The following BTG4 variants were observed in gnomAD, a reference collection of about 807,000 sequenced individuals.
BTG4 encodes the protein BTG anti-proliferation factor 4, also known as protein BTG4.
A neutral mutation model predicts 19.3 loss-of-function variants in BTG4; 10 were observed. The ratio of observed to expected loss-of-function variants is 0.52; its 90% CI spans 0.32 to 0.88. The LOEUF (loss-of-function observed/expected upper bound fraction) is 0.88. BTG4 is among the 40% of genes least tolerant of loss of function. The pLI is 0.04. For synonymous variants in BTG4, 91 were observed against 95.7 expected (o/e 0.95, Z 0.29); for missense variants, 238 against 281.9 (o/e 0.84, Z 1.11).
the BTG4 span, among the ~76,000 whole-genome samples, chr11:111,453,114 G>A: frequency 6.6e-6 from 1 of 152,304 alleles, no homozygotes; most frequent in South Asian, 2.1e-4. Context: ...AAATGGGATG[G>A]CCTCCAGGCC....
the BTG4 span, among the ~76,000 whole-genome samples, chr11:111,400,151 G>A: frequency 6.6e-6 from 1 of 152,140 alleles, no homozygotes; most frequent in African/African-American, 2.4e-5. Context: ...GGGCAACCTC[G>A]GAAAAGTCAT....
At chr11:111,403,575 A>G in the BTG4 span, among the ~76,000 whole-genome samples, 1 of 152,182 alleles carries the variant, frequency 6.6e-6, no homozygotes, top group Admixed American at 6.5e-5. Flanking sequence ...CTCTTCCACT[A>G]TGGGGCCTAC....
the BTG4 span, among the ~76,000 whole-genome samples, chr11:111,440,575 G>A: frequency 2.6e-5 from 4 of 152,278 alleles, no homozygotes; most frequent in South Asian, 2.1e-4. Flanking sequence ...ATTTGACCCC[G>A]TTTGGCCTGC....
chr11:111,470,682 C>T (rs969754348), intron 5 of BTG4, among the ~76,000 whole-genome samples: 5 of 152,038 alleles, frequency 3.3e-5, no homozygotes, highest in South Asian at 2.1e-4. Context: ...TTTGGGAGGC[C>T]GAGGCAGAAA....
At chr11:111,448,333 C>T in the BTG4 span, 1 of 152,482 alleles carries the variant, frequency 6.6e-6, no homozygotes, top group African/African-American at 2.4e-5. Flanking sequence ...CAGAAGCCCC[C>T]TAATGGGAGA....
At chr11:111,502,691 G>A (rs1263607021) in intron 1 of BTG4, among the ~76,000 whole-genome samples, 1 of 152,092 alleles carries the variant, frequency 6.6e-6, no homozygotes, top group Non-Finnish European at 1.5e-5. Context: ...ATAGAATGGT[G>A]CCAGGTGTTT....
chr11:111,387,335 G>A, the BTG4 span, among the ~76,000 whole-genome samples: 1 of 152,162 alleles, frequency 6.6e-6, no homozygotes, highest in Non-Finnish European at 1.5e-5. Flanking sequence ...CTGGATGGCA[G>A]GTTCTTATCT....
chr11:111,489,374 A>C (rs1247275282), intron 5 of BTG4, among the ~76,000 whole-genome samples: 1 of 152,212 alleles, frequency 6.6e-6, no homozygotes, highest in Non-Finnish European at 1.5e-5. Flanking sequence ...AACAGTATGG[A>C]GGTTCCTCAA....
At chr11:111,407,035 A>T in the BTG4 span, among the ~76,000 whole-genome samples, 24 of 152,110 alleles carry the variant, frequency 1.6e-4, no homozygotes, top group African/African-American at 5.8e-4. Context: ...CCTTGAAAGG[A>T]TTAAGTGAAT....
At chr11:111,384,779 T>C in the BTG4 span, 2 of 152,146 alleles carry the variant, frequency 1.3e-5, no homozygotes, top group Non-Finnish European at 2.9e-5. Flanking sequence ...TTCTTAAAGC[T>C]GGGAAAAGGA....
the BTG4 span, chr11:111,399,115 C>T: frequency 2.6e-5 from 4 of 152,258 alleles, no homozygotes; most frequent in Admixed American, 6.5e-5. Context: ...CACGTCACCA[C>T]GTGGGTTGCC....
chr11:111,405,303 C>T, the BTG4 span, among the ~76,000 whole-genome samples: 41 of 147,740 alleles, frequency 2.8e-4, no homozygotes, highest in Non-Finnish European at 4.3e-4. Context: ...ACTTGGGAGG[C>T]TGAGGCAGGA....
chr11:111,417,172 G>A, the BTG4 span: 1 of 152,234 alleles, frequency 6.6e-6, no homozygotes, highest in Admixed American at 6.5e-5. Flanking sequence ...TTAATAGACT[G>A]AGAGATTCAC....
intron 1 of BTG4, among the ~76,000 whole-genome samples, chr11:111,505,082 AC>A (rs1866357621): frequency 6.6e-6 from 1 of 152,054 alleles, no homozygotes; most frequent in African/African-American, 2.4e-5. Flanking sequence ...CTATCCAATT[AC>A]CAGCCTTGTT....
chr11:111,490,131 A>AC (rs1865324179), downstream of BTG4, among the ~76,000 whole-genome samples: 1 of 150,522 alleles, frequency 6.6e-6, no homozygotes, highest in Non-Finnish European at 1.5e-5. Context: ...AAAAAAAAAA[A>AC]ATTAGCTGGG....
intron 5 of BTG4, among the ~76,000 whole-genome samples, chr11:111,480,834 C>A (rs1306199601): frequency 6.6e-6 from 1 of 151,354 alleles, no homozygotes; most frequent in Non-Finnish European, 1.5e-5. Context: ...TAAGTATATA[C>A]ATTAGAAAAG....
upstream of BTG4, chr11:111,514,192 T>C (rs1299602920): frequency 6.4e-6 from 1 of 155,664 alleles, no homozygotes; most frequent in African/African-American, 2.4e-5. Flanking sequence ...CAACTTTTAG[T>C]GGGAGTGATT....
chr11:111,469,779 T>C (rs1008210137), intron 5 of BTG4: 2 of 152,708 alleles, frequency 1.3e-5, no homozygotes, highest in African/African-American at 2.4e-5. Context: ...TCTCTTCCCT[T>C]GACCAAGGGC....
chr11:111,482,819 G>A (rs1488184198), intron 5 of BTG4, among the ~76,000 whole-genome samples: 2 of 145,392 alleles, frequency 1.4e-5, no homozygotes, highest in Non-Finnish European at 3.0e-5. Context: ...CAAACTAAAT[G>A]TAAAACATAA....
Sources: allele counts gnomAD v4.1 joint callset (sites outside exome capture counted in the v4.1 genomes callset), GRCh38; gene constraint gnomAD v4.1.1; transcripts MANE v1.5; gene names NCBI Gene and HGNC (gene_info 2026-07-23, HGNC 2026-07-21).